The following RAP1GDS1 variants were observed in gnomAD, a reference collection of about 807,000 sequenced individuals.
The protein encoded by RAP1GDS1 is RAP1, GTP-GDP dissociation stimulator 1.
Under a neutral mutation model 71.1 loss-of-function variants are expected in RAP1GDS1, and 35 were observed. The ratio of observed to expected loss-of-function variants is 0.49; its 90% CI spans 0.38 to 0.65. The LOEUF is 0.65. Ranked by LOEUF, RAP1GDS1 falls within the 30% of genes least tolerant of loss-of-function variation. The pLI is 0.00. For missense variants in RAP1GDS1, 663 were observed against 706.1 expected, an observed-to-expected ratio of 0.94 and a Z score of 0.69; for synonymous variants, 229 against 243.1, an observed-to-expected ratio of 0.94 and a Z score of 0.54.
intron 2 of RAP1GDS1, among the ~76,000 whole-genome samples, chr4:98,321,007 A>C (rs1293555926): frequency 7.3e-6 from 1 of 136,732 alleles, no homozygotes; most frequent in African/African-American, 2.8e-5. Flanking sequence ...AAAGGCAAAG[A>C]AGTTGAAAAC....
At chr4:98,400,294 T>C (rs1191368935) in intron 6 of RAP1GDS1, among the ~76,000 whole-genome samples, 9 of 151,988 alleles carry the variant, frequency 5.9e-5, no homozygotes, top group East Asian at 1.9e-4. Flanking sequence ...ACAATAGATA[T>C]GGGATCAACC....
At chr4:98,263,404 A>G (rs1722298299) in intron 1 of RAP1GDS1, among the ~76,000 whole-genome samples, 1 of 152,342 alleles carries the variant, frequency 6.6e-6, no homozygotes, top group East Asian at 1.9e-4. Context: ...CCTAAAAGAA[A>G]TTATCTACTT....
intron 1 of RAP1GDS1, among the ~76,000 whole-genome samples, chr4:98,288,663 TC>T (rs972022574): frequency 1.3e-5 from 2 of 152,178 alleles, no homozygotes; most frequent in Non-Finnish European, 2.9e-5. Flanking sequence ...GTAAAAGTGT[TC>T]CTGTTTCTTC....
chr4:98,297,286 T>A (rs972672566), intron 2 of RAP1GDS1, among the ~76,000 whole-genome samples: 1 of 152,158 alleles, frequency 6.6e-6, no homozygotes, highest in Non-Finnish European at 1.5e-5. Context: ...GTTGTATTGA[T>A]TTTTGGCTCC....
intron 7 of RAP1GDS1, among the ~76,000 whole-genome samples, chr4:98,411,889 A>G (rs932148270): frequency 6.6e-6 from 1 of 152,168 alleles, no homozygotes; most frequent in Non-Finnish European, 1.5e-5. Context: ...TCTAGTCACC[A>G]CACATCTCTA....
intron 2 of RAP1GDS1, among the ~76,000 whole-genome samples, chr4:98,313,907 C>A (rs1275671532): frequency 2.6e-5 from 4 of 152,084 alleles, no homozygotes; most frequent in African/African-American, 4.8e-5. Context: ...ATAAACCTCA[C>A]AAGGAGGCTC....
intron 1 of RAP1GDS1, among the ~76,000 whole-genome samples, chr4:98,275,239 A>G (rs775994746): frequency 6.6e-6 from 1 of 152,206 alleles, no homozygotes; most frequent in Non-Finnish European, 1.5e-5. Flanking sequence ...TAAATGCCTT[A>G]AAAGTGTGAC....
intron 1 of RAP1GDS1, among the ~76,000 whole-genome samples, chr4:98,283,500 C>T (rs1054643631): frequency 1.5e-4 from 23 of 152,168 alleles, no homozygotes; most frequent in Admixed American, 5.9e-4. Flanking sequence ...AGTCATATTT[C>T]TAGTTTTGAA....
In RAP1GDS1 at chr4:98,442,010, C is replaced by T; in HGVS notation, c.1717C>T (p.Gln573Ter). The T allele has an allele frequency of 1.2e-6, 2 of 1,613,908 alleles. No individual in the cohort carries two copies. Among genetic ancestry groups the T allele is most frequent in the Non-Finnish European group, 1.7e-6 (2 of 1,179,954 alleles). The change falls in exon 15 of 15, where the codon CAG becomes TAG. Residue 573 changes from glutamine (Q) to a stop codon, truncating the protein, a stop_gained. Coordinates refer to ENST00000408927, the MANE Select transcript of RAP1GDS1 (RefSeq NM_001100427.2). LOFTEE classifies it high-confidence loss of function. ...MGSECLHKEV[Q>*]DLAFLDVVSK... ...TCCAGAATGTCTACACAAGGAAGTA[C>T]AGGATTTGGCTTTTCTAGATGTCGT...
At chr4:98,301,559 T>C (rs1451187291) in intron 2 of RAP1GDS1, among the ~76,000 whole-genome samples, 3 of 152,048 alleles carry the variant, frequency 2.0e-5, no homozygotes, top group African/African-American at 7.3e-5. Context: ...TAAATAAATA[T>C]CCAAATCTAG....
Position 98,442,952 on chromosome 4 carries a change from A to T in RAP1GDS1, c.*835A>T. 4.7e-6 allele frequency: 1 copy of T among 211,984 alleles called. No homozygotes were observed. The highest frequency in any genetic ancestry group is 1.9e-4 in the South Asian group (1 of 5,280). The allele number at this position is 211,984 out of a possible 1,614,324, so 13.1% of individuals were successfully genotyped here. On this transcript the variant is annotated 3_prime_UTR_variant, in exon 15 of 15. Transcript: ENST00000408927. ...AGCATTATCCAGCACTTGTCTTTAA[A>T]ATTCATTTGGCGCTTGTTTGTTTTC...
At chr4:98,284,750 T>C (rs569848246) in intron 1 of RAP1GDS1, among the ~76,000 whole-genome samples, 1 of 152,314 alleles carries the variant, frequency 6.6e-6, no homozygotes, top group East Asian at 1.9e-4. Context: ...ACCAGCCTGC[T>C]TGGAGCCCTG....
chr4:98,391,887 T>G, intron 5 of RAP1GDS1, 65 bp from the exon 6 acceptor site: 1 of 1,420,590 alleles, frequency 7.0e-7, no homozygotes, highest in South Asian at 1.5e-5. Context: ...TGTTTTCTTC[T>G]TATAATGTTC....
intron 2 of RAP1GDS1, among the ~76,000 whole-genome samples, chr4:98,337,507 T>C (rs1734876615): frequency 6.6e-6 from 1 of 152,220 alleles, no homozygotes; most frequent in Non-Finnish European, 1.5e-5. Flanking sequence ...TATGGCCTTA[T>C]TTGTAATATG....
intron 4 of RAP1GDS1, among the ~76,000 whole-genome samples, chr4:98,353,790 A>C (rs1289272075): frequency 5.3e-5 from 8 of 152,098 alleles, no homozygotes; most frequent in Non-Finnish European, 1.5e-5. Flanking sequence ...TATTAGCTTT[A>C]TTTACAAAAT....
chr4:98,365,855 T>G lies in RAP1GDS1; in HGVS notation c.362-13162T>G, dbSNP rs570106506. ...ACAAAATATTTTCTAATTCTGTGCT[T>G]TAAGTGAAATAAAACGGGGATGAAA... On this transcript the variant is annotated intron_variant, in intron 4 of 14. Transcript: ENST00000408927. Among the ~76,000 whole-genome samples, 5 of 152,288 alleles carry G rather than the reference T, an allele frequency of 3.3e-5. No individual in the cohort carries two copies. The South Asian group carries it at 1.0e-3, about 32-fold the overall frequency.
At chr4:98,368,269 C>T (rs749596695) in intron 4 of RAP1GDS1, among the ~76,000 whole-genome samples, 42 of 152,140 alleles carry the variant, frequency 2.8e-4, no homozygotes, top group Non-Finnish European at 5.7e-4. Context: ...CTTCCCCTGC[C>T]ATGCGGAACT....
chr4:98,281,367 T>G (rs1725069335), intron 1 of RAP1GDS1, among the ~76,000 whole-genome samples: 1 of 152,212 alleles, frequency 6.6e-6, no homozygotes, highest in Non-Finnish European at 1.5e-5. Context: ...TTATTCTCTT[T>G]GAAGCAATTG....
Position 98,434,076 on chromosome 4 carries a change from T to C in RAP1GDS1, c.1567+14T>C. The C allele has an allele frequency of 6.2e-7, 1 of 1,610,146 alleles. No homozygotes were observed. The highest frequency in any genetic ancestry group is 8.5e-7 in the Non-Finnish European group (1 of 1,177,000). The stretch of plus-strand genomic sequence containing the variant: ...CTTTAGAATTGGGTAAGTACCCCAG[T>C]GACAAACTTATTTTCTTCTATTTTT... On this transcript the variant is annotated intron_variant, in intron 13 of 14. Coordinates refer to ENST00000408927, the MANE Select transcript of RAP1GDS1 (RefSeq NM_001100427.2).
Sources: allele counts gnomAD v4.1 joint callset (sites outside exome capture counted in the v4.1 genomes callset), GRCh38; gene constraint gnomAD v4.1.1; transcripts MANE v1.5; gene names NCBI Gene and HGNC (gene_info 2026-07-23, HGNC 2026-07-21).